Variants in AKAP14 observed in about 807,000 individuals in gnomAD.
AKAP14 encodes A-kinase anchor protein 14.
A neutral mutation model predicts 17.0 loss-of-function variants in AKAP14; 4 were observed. The ratio of observed to expected loss-of-function variants is 0.23; its 90% CI spans 0.12 to 0.54. The LOEUF is 0.54. Ranked by LOEUF, AKAP14 falls within the 20% of genes least tolerant of loss-of-function variation. AKAP14 has a pLI of 0.95. For synonymous variants in AKAP14, 42 were observed against 51.3 expected, an observed-to-expected ratio of 0.82 and a Z score of 0.77; for missense variants, 129 against 150.9, an observed-to-expected ratio of 0.85 and a Z score of 0.76.
chrX:119,900,249 C>T (rs1255988898), intron 2 of AKAP14, among the ~76,000 whole-genome samples: 5 of 111,892 alleles, frequency 4.5e-5, no homozygotes, highest in African/African-American at 1.6e-4. Flanking sequence ...CGTGCCACCA[C>T]ACCTGGCTAA....
intron 4 of AKAP14, among the ~76,000 whole-genome samples, chrX:119,914,227 G>C (rs1254390358): frequency 1.1e-5 from 1 of 95,059 alleles, no homozygotes; most frequent in Non-Finnish European, 2.1e-5. Flanking sequence ...AACAGAGAGA[G>C]ACTCCATCTC....
intron 2 of AKAP14, among the ~76,000 whole-genome samples, chrX:119,899,166 C>CAACAAAA (rs2056549687): frequency 4.0e-5 from 2 of 49,864 alleles, no homozygotes; most frequent in African/African-American, 1.6e-4. Context: ...GACTCTGTCT[C>CAACAAAA]AAAAAAAAAA....
chrX:119,919,993 AG>A (rs2056679912), intron 6 of AKAP14, 30 bp downstream of exon 6: 2 of 1,185,225 alleles, frequency 1.7e-6, no homozygotes, highest in East Asian at 5.9e-5. Flanking sequence ...TTGTTTTAAA[AG>A]GGTGGGAGAA....
intron 5 of AKAP14, among the ~76,000 whole-genome samples, chrX:119,916,939 C>G (rs1201330010): frequency 4.9e-5 from 5 of 102,456 alleles, no homozygotes; most frequent in Admixed American, 1.0e-4. Flanking sequence ...AACCCCATCT[C>G]TACTAAAAAT....
intron 2 of AKAP14, 98 bp from the exon 3 acceptor site, chrX:119,903,116 T>C (rs2147829423): frequency 2.3e-6 from 2 of 882,833 alleles, no homozygotes; most frequent in East Asian, 6.8e-5. Context: ...AACTGCTTCC[T>C]GTCTCTTGTG....
At chrX:119,919,818 C>G (rs1329806793) in intron 5 of AKAP14, 93 bp from the exon 6 acceptor site, 2 of 990,948 alleles carry the variant, frequency 2.0e-6, no homozygotes, top group South Asian at 2.1e-5. Flanking sequence ...TGCACTTACA[C>G]CTGGGAGACA....
chrX:119,900,239 C>T (rs1449412545), intron 2 of AKAP14, among the ~76,000 whole-genome samples: 4 of 111,722 alleles, frequency 3.6e-5, no homozygotes, highest in African/African-American at 6.5e-5. Flanking sequence ...ATTACAGGCA[C>T]GTGCCACCAC....
chrX:119,920,485 T>C (rs766453224), intron 6 of AKAP14, 23 bp from the exon 7 acceptor site: 1 of 1,132,067 alleles, frequency 8.8e-7, no homozygotes, highest in Non-Finnish European at 1.2e-6. Context: ...ACTTTAAAAG[T>C]GTTTGTTTTT....
At chrX:119,919,094 C>T (rs1183832852) in intron 5 of AKAP14, among the ~76,000 whole-genome samples, 4 of 111,685 alleles carry the variant, frequency 3.6e-5, no homozygotes, top group African/African-American at 9.7e-5. Flanking sequence ...TGGAGGGGAA[C>T]AAGACTACAC....
At chrX:119,897,106 G>A (rs150044430) in intron 2 of AKAP14, among the ~76,000 whole-genome samples, 2,606 of 109,291 alleles carry the variant, frequency 0.024, 93 homozygotes, top group African/African-American at 0.081. Context: ...CACCGCGCCC[G>A]GCCCCAAATG....
chrX:119,918,646 A>T (rs2056671893), intron 5 of AKAP14, among the ~76,000 whole-genome samples: 1 of 112,505 alleles, frequency 8.9e-6, no homozygotes, highest in South Asian at 3.6e-4. Flanking sequence ...CTCAATAAAT[A>T]CTTGAAAGAA....
At chrX:119,913,817 A>G (rs2056641680) in intron 4 of AKAP14, among the ~76,000 whole-genome samples, 1 of 110,656 alleles carries the variant, frequency 9.0e-6, no homozygotes, top group African/African-American at 3.3e-5. Context: ...GTGTGTCCCT[A>G]CAGTCCAAGG....
intron 4 of AKAP14, among the ~76,000 whole-genome samples, chrX:119,910,941 C>G (rs890949316): frequency 9.2e-6 from 1 of 108,540 alleles, no homozygotes; most frequent in South Asian, 4.2e-4. Context: ...GGATTACAGG[C>G]GTGAGCCACT....
At chrX:119,920,061 G>A (rs1488020695) in intron 6 of AKAP14, 98 bp downstream of exon 6, 1 of 907,996 alleles carries the variant, frequency 1.1e-6, no homozygotes, top group Admixed American at 2.4e-5. Flanking sequence ...TTCATGTAAT[G>A]GTCACTTTTC....
intron 2 of AKAP14, among the ~76,000 whole-genome samples, chrX:119,901,719 A>C (rs1368824689): frequency 9.4e-6 from 1 of 106,183 alleles, no homozygotes; most frequent in Non-Finnish European, 1.9e-5. Context: ...AAAAAAAAAA[A>C]CACTATCTTA....
chrX:119,905,647 C>CGCAA (rs771328540), intron 4 of AKAP14, among the ~76,000 whole-genome samples: 12 of 111,200 alleles, frequency 1.1e-4, no homozygotes, highest in Non-Finnish European at 2.1e-4. Context: ...GCCTCCTTGC[C>CGCAA]GTTCCTCGAC....
chrX:119,904,650 C>T (rs1355847340), intron 4 of AKAP14, among the ~76,000 whole-genome samples: 2 of 111,553 alleles, frequency 1.8e-5, no homozygotes, highest in South Asian at 3.7e-4. Flanking sequence ...TTTGGGAGGC[C>T]GAAGTGGGCA....
intron 2 of AKAP14, among the ~76,000 whole-genome samples, chrX:119,902,982 C>T (rs773227077): frequency 5.3e-5 from 6 of 112,318 alleles, no homozygotes; most frequent in South Asian, 3.7e-4. Flanking sequence ...TGAGCCACCG[C>T]GCCGGGCCTC....
intron 4 of AKAP14, among the ~76,000 whole-genome samples, chrX:119,912,898 T>C (rs770997056): frequency 4.5e-5 from 5 of 110,995 alleles, no homozygotes; most frequent in African/African-American, 1.6e-4. Flanking sequence ...TGGGACTGTA[T>C]TCCCATCTCA....
Sources: allele counts gnomAD v4.1 joint callset (sites outside exome capture counted in the v4.1 genomes callset), GRCh38; gene constraint gnomAD v4.1.1; transcripts MANE v1.5; gene names NCBI Gene and HGNC (gene_info 2026-07-23, HGNC 2026-07-21).